The following JARID2 variants were observed in gnomAD, a reference collection of about 807,000 sequenced individuals.
JARID2 encodes protein Jumonji.
Under a neutral mutation model 125.6 loss-of-function variants are expected in JARID2, and 21 were observed. The ratio of observed to expected loss-of-function variants is 0.17; its 90% CI spans 0.12 to 0.24. The LOEUF is 0.24. JARID2 is among the 10% of genes least tolerant of loss of function. JARID2 has a pLI of 1.00. For missense variants in JARID2, 1,303 were observed against 1,639.6 expected (o/e 0.79, Z 3.55); for synonymous variants, 736 against 661.6 (o/e 1.11, Z -1.73).
intron 1 of JARID2, among the ~76,000 whole-genome samples, chr6:15,270,878 T>C (rs150528805): frequency 0.077 from 11,686 of 151,882 alleles, 462 homozygotes; most frequent in Admixed American, 0.11. Context: ...GAGGCAGAGC[T>C]TGCAGTGAGC....
intron 17 of JARID2, 89 bp downstream of exon 17, chr6:15,517,357 C>T (rs1268066152): frequency 7.8e-6 from 7 of 894,750 alleles, no homozygotes; most frequent in Admixed American, 1.8e-5. Flanking sequence ...CCTGGCAGTT[C>T]TGTGCCTGGC....
Position 15,461,751 on chromosome 6 carries a change from T to A in JARID2, c.494-6791T>A, listed in dbSNP as rs1768460014. ...GCCTATGTTTGGAGCCATAAAAATG[T>A]TTCGACTGAAGACATTATGCTCTGT... is the stretch of plus-strand genomic sequence containing the variant. On this transcript the variant is annotated intron_variant, in intron 4 of 17. Transcript: ENST00000341776. Among the ~76,000 whole-genome samples, 6 of 152,220 alleles carry A rather than the reference T, an allele frequency of 3.9e-5. No individual in the cohort carries two copies. In the South Asian group the frequency reaches 1.2e-3, roughly 32 times the overall value.
rs1305517018 is a variant in JARID2, at chr6:15,413,013, T to TG, written c.323+2648_323+2649insG. Among the ~76,000 whole-genome samples, 232 of 91,110 alleles carry TG rather than the reference T, an allele frequency of 2.5e-3. 7 individuals are homozygous for TG. In the South Asian group the frequency reaches 0.031, roughly 12 times the overall value. 59.8% of individuals were successfully genotyped at this position (91,110 alleles called of 152,430 possible). ...TGGGAAGAGCTTGTGTTTTTGTTTT[T>TG]TTTTTTTTTGTTTTTTTTTTTTTGA... On this transcript the variant is annotated intron_variant, in intron 3 of 17. Transcript: ENST00000341776.
chr6:15,414,228 T>C (rs555940252), intron 3 of JARID2, among the ~76,000 whole-genome samples: 1 of 152,208 alleles, frequency 6.6e-6, no homozygotes, highest in African/African-American at 2.4e-5. Flanking sequence ...GTTCCAACTT[T>C]ATCTAGTCTG....
chr6:15,433,735 T>C (rs904868072), intron 3 of JARID2, among the ~76,000 whole-genome samples: 1 of 152,132 alleles, frequency 6.6e-6, no homozygotes, highest in African/African-American at 2.4e-5. Context: ...CTGGGGATGT[T>C]TTTCTCCATT....
chr6:15,509,046 G>A (rs1350526042), intron 12 of JARID2: 1 of 1,289,210 alleles, frequency 7.8e-7, no homozygotes, highest in Non-Finnish European at 1.0e-6. Context: ...CCTGCCATGT[G>A]GAGACACGCG....
At chr6:15,304,522 A>G (rs1037108747) in intron 1 of JARID2, among the ~76,000 whole-genome samples, 1 of 151,960 alleles carries the variant, frequency 6.6e-6, no homozygotes, top group African/African-American at 2.4e-5. Context: ...CCAGACAATC[A>G]TCGGAAGGCC....
At chr6:15,515,808 C>T (rs1384212803) in intron 16 of JARID2, among the ~76,000 whole-genome samples, 1 of 151,252 alleles carries the variant, frequency 6.6e-6, no homozygotes, top group South Asian at 2.1e-4. Context: ...GTAATCCCAG[C>T]ACTTTGGGAG....
In JARID2 at chr6:15,446,943, A is replaced by AC. The variant is rs531315174; in HGVS notation, c.324-5060dup. Among the ~76,000 whole-genome samples, 150 of 152,160 alleles carry AC rather than the reference A, an allele frequency of 9.9e-4. 2 individuals carry two copies. The highest frequency in any genetic ancestry group is 1.6e-3 in the Admixed American group (24 of 15,288). On this transcript the variant is annotated intron_variant, in intron 3 of 17. Transcript: ENST00000341776. Reference sequence around the variant, plus strand: ...TTTGTTTTGCCATCCAAGCTATGTGACCCAGGGTGGGTCTCACCCTTCTCC... The same window carrying AC: ...TTTGTTTTGCCATCCAAGCTATGTGACCCCAGGGTGGGTCTCACCCTTCTCC...
At chr6:15,404,920 A>G (rs1765587808) in intron 2 of JARID2, among the ~76,000 whole-genome samples, 1 of 152,080 alleles carries the variant, frequency 6.6e-6, no homozygotes. Flanking sequence ...ATGAGAGAGG[A>G]CTGGTAAAAC....
At chr6:15,385,496 G>T (rs1432374307) in intron 2 of JARID2, among the ~76,000 whole-genome samples, 5 of 150,422 alleles carry the variant, frequency 3.3e-5, no homozygotes, top group South Asian at 2.1e-4. Context: ...TTTTTTAATA[G>T]ATTTTTTAAG....
chr6:15,364,203 G>A (rs1763895817), intron 1 of JARID2, among the ~76,000 whole-genome samples: 1 of 152,122 alleles, frequency 6.6e-6, no homozygotes, highest in African/African-American at 2.4e-5. Flanking sequence ...CAGTGTCCTG[G>A]GTCCTGGTGG....
intron 4 of JARID2, among the ~76,000 whole-genome samples, chr6:15,460,041 GTGTA>G (rs1205289719): frequency 6.6e-6 from 1 of 152,198 alleles, no homozygotes; most frequent in Non-Finnish European, 1.5e-5. Flanking sequence ...AGTAGTGAAA[GTGTA>G]TGTTTGAGAA....
chr6:15,332,625 G>A (rs1762744703), intron 1 of JARID2, among the ~76,000 whole-genome samples: 1 of 152,158 alleles, frequency 6.6e-6, no homozygotes, highest in Non-Finnish European at 1.5e-5. Context: ...AGCTGTGGTG[G>A]GCGCTACTTG....
At chr6:15,302,473 G>C (rs1257450793) in intron 1 of JARID2, among the ~76,000 whole-genome samples, 1 of 151,994 alleles carries the variant, frequency 6.6e-6, no homozygotes, top group East Asian at 1.9e-4. Context: ...GTAGTTCAAA[G>C]CCTAATGGTG....
chr6:15,305,350 G>C (rs148875146), intron 1 of JARID2, among the ~76,000 whole-genome samples: 1 of 152,174 alleles, frequency 6.6e-6, no homozygotes, highest in Admixed American at 6.5e-5. Context: ...AGGGTGCAGG[G>C]AGGGTGCTGG....
At chr6:15,247,220 A>T (rs1268354845) in intron 1 of JARID2, among the ~76,000 whole-genome samples, 17 of 152,206 alleles carry the variant, frequency 1.1e-4, no homozygotes, top group Non-Finnish European at 1.5e-5. Context: ...GGGGAAAAGG[A>T]CACACACTAT....
intron 1 of JARID2, among the ~76,000 whole-genome samples, chr6:15,321,011 A>G (rs1762337372): frequency 6.6e-6 from 1 of 152,104 alleles, no homozygotes; most frequent in African/African-American, 2.4e-5. Context: ...GAGGCGGTGT[A>G]TCATATGAAT....
Position 15,494,748 on chromosome 6 carries a change from T to A in JARID2, c.907-1384T>A, listed in dbSNP as rs971799379. Among the ~76,000 whole-genome samples, 3 of 152,196 alleles carry A rather than the reference T, an allele frequency of 2.0e-5. No individual in the cohort carries two copies. The South Asian group carries it at 6.2e-4, about 31-fold the overall frequency. ...CTTAAGGGGGGTCCTGGGCCAGGCC[T>A]AGGTTTAGTACAAAGGTCACTAAGA... On this transcript the variant is annotated intron_variant, in intron 6 of 17. Coordinates refer to ENST00000341776, the MANE Select transcript of JARID2 (RefSeq NM_004973.4).
Sources: gnomAD v4.1 joint callset for allele counts (sites outside exome capture counted in the v4.1 genomes callset) on GRCh38, gnomAD v4.1.1 for gene constraint, MANE v1.5 for transcripts, NCBI Gene and HGNC (gene_info 2026-07-23, HGNC 2026-07-21) for gene names.